RNF123: variants seen among roughly 807,000 people sequenced by gnomAD.
RNF123 encodes the protein ring finger protein 123.
Under a neutral mutation model 168.5 loss-of-function variants are expected in RNF123, and 86 were observed. The observed-to-expected ratio is 0.51, with a 90% CI of 0.43 to 0.61. The LOEUF is 0.61. Ranked by LOEUF, RNF123 falls within the 20% of genes least tolerant of loss-of-function variation. The pLI, the probability that RNF123 is intolerant of heterozygous loss-of-function variation, is 0.00. For missense variants in RNF123, 1,419 were observed against 1,729.7 expected (o/e 0.82, Z 3.19); for synonymous variants, 666 against 689.1 (o/e 0.97, Z 0.52).
intron 26 of RNF123, among the ~76,000 whole-genome samples, chr3:49,711,400 C>T (rs4855862): frequency 0.52 from 79,313 of 152,022 alleles, 21,605 homozygotes; most frequent in East Asian, 0.82. Flanking sequence ...AATAGTCTCA[C>T]CAGGGTCTCT....
At chr3:49,718,357 C>G in intron 35 of RNF123, 1 of 1,613,392 alleles carries the variant, frequency 6.2e-7, no homozygotes, top group Non-Finnish European at 8.5e-7. Context: ...AAAGTGCACG[C>G]TCACGTTGTA....
At chr3:49,714,274 C>A in intron 31 of RNF123, 100 bp downstream of exon 31, 1 of 1,084,030 alleles carries the variant, frequency 9.2e-7, no homozygotes, top group Non-Finnish European at 1.4e-6. Flanking sequence ...CAGCCCCTCT[C>A]TGGTTCCCCC....
chr3:49,702,728 C>T lies in RNF123; in HGVS notation c.1725C>T (p.Ser575=). The T allele has an allele frequency of 1.2e-6, 2 of 1,614,212 alleles. No homozygotes were observed. Among genetic ancestry groups the T allele is most frequent in the African/African-American group, 1.3e-5 (1 of 75,066 alleles). ...ACTATTGGGATGAATACAAGGCTTC[C>T]AATCCTCATGCTTCCTTCAGTGAGG... ...LRYYWDEYKA[S]NPHASFSEEA... The change falls in exon 20 of 39, where the codon TCC becomes TCT. Residue 575 remains serine (S), a synonymous_variant. Transcript: ENST00000327697.
chr3:49,704,963 G>A (rs961604928), intron 22 of RNF123, 21 bp from the exon 23 acceptor site: 21 of 1,584,390 alleles, frequency 1.3e-5, no homozygotes, highest in African/African-American at 2.7e-5. Flanking sequence ...CCCTGGTCCT[G>A]GCCGCCTTTC....
rs1443630370 is a variant in RNF123 at position 49,705,586 on chromosome 3, G to A, written c.2211G>A (p.Glu737=). The A allele has an allele frequency of 7.4e-6, 12 of 1,612,360 alleles. No homozygotes were observed. Among genetic ancestry groups the A allele is most frequent in the Admixed American group, 1.7e-5 (1 of 59,438 alleles). ...TGCTGCTGGGGCGGCCCCCCGAGGA[G>A]CCTGAGCAGCCCCTCACCGAGAACT... ...EGLLLGRPPE[E]PEQPLTENSL... The change falls in exon 24 of 39, where the codon GAG becomes GAA. Residue 737 remains glutamate (E), a synonymous_variant. Transcript: ENST00000327697.
Position 49,699,238 on chromosome 3 carries a change from T to A in RNF123, c.764+133T>A. The stretch of plus-strand genomic sequence containing the variant: ...GCTGCAGAGTTAGTGGGGGGCCATG[T>A]AGAGTGTCGAAGAAAACTTTCCTCG... On this transcript the variant is annotated intron_variant, in intron 10 of 38. Transcript: ENST00000327697. The surrounding 1 kb of genome is among the most constrained non-coding windows in gnomAD (Gnocchi z 4.8). 1 of 1,291,632 alleles carries A rather than the reference T, an allele frequency of 7.7e-7. No homozygotes were observed. Among genetic ancestry groups the A allele is most frequent in the Non-Finnish European group, 1.1e-6 (1 of 945,848 alleles). 80.0% of individuals were successfully genotyped at this position (1,291,632 alleles called of 1,614,324 possible).
rs774907644 is a variant in RNF123 at position 49,701,837 on chromosome 3, G to A, written c.1422G>A (p.Glu474=). Residue 474 remains glutamate, a synonymous_variant, in exon 17 of 39, where the codon GAG becomes GAA. Transcript: ENST00000327697. The part of the protein sequence containing the change: ...REGKESTEMK[E]ETAEERLRRR... Reference sequence around the variant, plus strand: ...GCAAAGAGAGCACGGAGATGAAGGAGGAGACCGCAGAGGAGCGGCTGCGGC... The same window carrying A: ...GCAAAGAGAGCACGGAGATGAAGGAAGAGACCGCAGAGGAGCGGCTGCGGC... 1.3e-6 allele frequency: 2 copies of A among 1,574,070 alleles called. No homozygotes were observed. Among genetic ancestry groups the A allele is most frequent in the Non-Finnish European group, 1.7e-6 (2 of 1,160,096 alleles).
intron 35 of RNF123, chr3:49,718,171 T>C (rs1376965028): frequency 6.2e-7 from 1 of 1,613,060 alleles, no homozygotes; most frequent in African/African-American, 1.3e-5. Context: ...TACTGAGGAC[T>C]GTGCGCTCAG....
In RNF123 at chr3:49,715,730, G is replaced by A; in HGVS notation, c.3150+16G>A. On this transcript the variant is annotated intron_variant, in intron 32 of 38. Transcript: ENST00000327697. Reference sequence around the variant, plus strand: ...GATCCAAGAGGTGGGCTGTGGTGGGGCCTCGTGGGTTAGGGTGGTGCAAGG... The same window carrying A: ...GATCCAAGAGGTGGGCTGTGGTGGGACCTCGTGGGTTAGGGTGGTGCAAGG... 1.2e-6 allele frequency: 2 copies of A among 1,614,234 alleles called. No individual in the cohort carries two copies. The highest frequency in any genetic ancestry group is 1.7e-6 in the Non-Finnish European group (2 of 1,180,040).
chr3:49,716,396 T>C lies in RNF123; in HGVS notation c.3419T>C (p.Leu1140Pro). ...DRVVTLRLPG[L>P]ESVDHYPILV... The stretch of plus-strand genomic sequence containing the variant: ...TCTTTCCTCCCCTTCCCCTCAGGCC[T>C]AGAGAGCGTGGACCACTATCCCATT... The change falls in exon 35 of 39, where the codon CTA (leucine) becomes CCA (proline). Residue 1140 changes from leucine (L) to proline (P), a missense_variant. Around this residue, in one of 5 missense-constraint regions of RNF123, gnomAD observed 164 missense variants for 152.3 expected, o/e 1.08. Coordinates refer to ENST00000327697, the MANE Select transcript of RNF123 (RefSeq NM_022064.5). The C allele has an allele frequency of 1.2e-6, 2 of 1,613,916 alleles. No homozygotes were observed. Among genetic ancestry groups the C allele is most frequent in the Non-Finnish European group, 1.7e-6 (2 of 1,179,908 alleles).
rs372750601 is a variant in RNF123, at chr3:49,720,560, C to A, written c.3550C>A (p.Arg1184Ser). ...VLLADPCFQL[R>S]SICYLLGQPE... Reference sequence around the variant, plus strand: ...CCTGGCAGATCCCTGCTTCCAGCTACGCTCAATATGCTATCTCCTGGGACA... The same window carrying A: ...CCTGGCAGATCCCTGCTTCCAGCTAAGCTCAATATGCTATCTCCTGGGACA... The change falls in exon 36 of 39, where the codon CGC becomes AGC. Residue 1184 changes from arginine (R) to serine (S), a missense_variant. Around this residue, in one of 5 missense-constraint regions of RNF123, gnomAD observed 164 missense variants for 152.3 expected, o/e 1.08. Transcript: ENST00000327697. 9 of 1,611,244 alleles carry A rather than the reference C, an allele frequency of 5.6e-6. No homozygotes were observed. The highest frequency in any genetic ancestry group is 7.6e-6 in the Non-Finnish European group (9 of 1,178,360).
At chr3:49,698,634 G>A (rs2054315482) in intron 8 of RNF123, 108 bp downstream of exon 8, 3 of 1,536,358 alleles carry the variant, frequency 2.0e-6, no homozygotes, top group Non-Finnish European at 2.7e-6. Context: ...AAGGGTCAGG[G>A]ACCCAGGTCC....
intron 27 of RNF123, 110 bp from the exon 28 acceptor site, chr3:49,713,402 GC>G: frequency 2.9e-6 from 3 of 1,038,868 alleles, no homozygotes; most frequent in South Asian, 2.9e-5. Context: ...GTCCAGGCTG[GC>G]CTTGGGAGCC....
rs1163738693 is a variant in RNF123 at position 49,701,603 on chromosome 3, A to T, written c.1390A>T (p.Arg464Trp). The change falls in exon 16 of 39, where the codon AGG becomes TGG. Residue 464 changes from arginine to tryptophan, a missense_variant. Around this residue, in one of 5 missense-constraint regions of RNF123, gnomAD observed 349 missense variants for 344.9 expected, o/e 1.01. Transcript: ENST00000327697. ...PTTWWPHCSS[R>W]EGKESTEMKE... ...CACCTGGTGGCCCCACTGCTCCAGT[A>T]GGGAGGTGAGTGCACCCCAAGTGGG... The T allele has an allele frequency of 6.2e-7, 1 of 1,611,314 alleles. No individual in the cohort carries two copies. Among genetic ancestry groups the T allele is most frequent in the Non-Finnish European group, 8.5e-7 (1 of 1,177,884 alleles).
rs747766942 is a variant in RNF123 at position 49,720,614 on chromosome 3, C to T, written c.3604C>T (p.Leu1202=). ...QPEPPAPGTA[L]PAPDRKRFSL... ...AGAGCCCCCAGCACCTGGCACTGCTCTGCCAGCCCCTGACCGGAAGCGCTT... is the reference window on the plus strand; with the variant it reads ...AGAGCCCCCAGCACCTGGCACTGCTTTGCCAGCCCCTGACCGGAAGCGCTT... Residue 1202 remains leucine, a synonymous_variant, in exon 36 of 39, where the codon CTG becomes TTG. Transcript: ENST00000327697. 4.4e-6 allele frequency: 7 copies of T among 1,606,084 alleles called. No individual in the cohort carries two copies. The highest frequency in any genetic ancestry group is 8.5e-7 in the Non-Finnish European group (1 of 1,174,466).
At chr3:49,696,244 GC>G (rs772909932) in intron 3 of RNF123, among the ~76,000 whole-genome samples, 69 of 152,284 alleles carry the variant, frequency 4.5e-4, no homozygotes, top group Middle Eastern at 3.4e-3. Context: ...CAGGTTATGT[GC>G]TATGCAGACA....
Position 49,698,453 on chromosome 3 carries a change from AT to A in RNF123, c.498del (p.Asp166GlufsTer18). The A allele has an allele frequency of 3.1e-6, 5 of 1,613,822 alleles. No individual in the cohort carries two copies. The highest frequency in any genetic ancestry group is 1.3e-5 in the African/African-American group (1 of 75,024). On this transcript the variant is annotated frameshift_variant, in exon 8 of 39. Coordinates refer to ENST00000327697, the MANE Select transcript of RNF123 (RefSeq NM_022064.5). LOFTEE classifies it high-confidence loss of function. ...CRFNQEEGVG[D>X]THNSYAYDGN... is the part of the protein sequence containing the mutation. ...TTTCCTCCCTAGGAGGGGGTTGGAG[AT>A]ACACACAACTCCTATGCCTATGATG...
intron 4 of RNF123, 28 bp downstream of exon 4, chr3:49,697,250 G>A: frequency 6.2e-7 from 1 of 1,608,186 alleles, no homozygotes. Flanking sequence ...GAGTGGGGTT[G>A]GGAGGTGCAG....
In RNF123 at chr3:49,720,498, C is replaced by A. The variant is rs756276205; in HGVS notation, c.3501-13C>A. The stretch of plus-strand genomic sequence containing the variant: ...CAAGCCTTCTGACTGCCCTTGCACC[C>A]TCCCCTACCTAGGAGAGAGCAAGCC... On this transcript the variant is annotated splice_polypyrimidine_tract_variant and intron_variant, in intron 35 of 38. Coordinates refer to ENST00000327697, the MANE Select transcript of RNF123 (RefSeq NM_022064.5). 1 of 1,548,186 alleles carries A rather than the reference C, an allele frequency of 6.5e-7. No individual in the cohort carries two copies. Among genetic ancestry groups the A allele is most frequent in the South Asian group, 1.2e-5 (1 of 81,402 alleles).
Sources: allele counts gnomAD v4.1 joint callset (sites outside exome capture counted in the v4.1 genomes callset), GRCh38; gene constraint gnomAD v4.1.1; regional missense constraint gnomAD v4.1.1; non-coding constraint Gnocchi (gnomAD v3.1); transcripts MANE v1.5; gene names NCBI Gene and HGNC (gene_info 2026-07-23, HGNC 2026-07-21).